COL21A1: variants seen among roughly 807,000 people sequenced by gnomAD.
COL21A1 encodes the protein collagen alpha-1(XXI) chain.
In COL21A1, 149 loss-of-function variants were observed where a neutral mutation model predicts 137.9. The observed-to-expected ratio is 1.08, with a 90% CI of 0.95 to 1.24. COL21A1 has a LOEUF of 1.24. Among genes scored for constraint, COL21A1 ranks in the 50% most tolerant of loss-of-function variants. The pLI, the probability that COL21A1 is intolerant of heterozygous loss-of-function variation, is 0.00. For missense variants in COL21A1, 1,167 were observed against 1,158.4 expected (o/e 1.01, Z -0.11); for synonymous variants, 456 against 391.5 (o/e 1.16, Z -1.95).
chr6:56,071,663 C>T (rs1326471065), intron 20 of COL21A1, among the ~76,000 whole-genome samples: 1 of 151,524 alleles, frequency 6.6e-6, no homozygotes, highest in Non-Finnish European at 1.5e-5. Flanking sequence ...TTAATTAAAG[C>T]ATTTAGCACA....
Position 56,166,921 on chromosome 6 carries a change from A to G in COL21A1, c.1263T>C (p.Cys421=). The G allele has an allele frequency of 6.2e-7, 1 of 1,611,672 alleles. No individual in the cohort carries two copies. The highest frequency in any genetic ancestry group is 8.5e-7 in the Non-Finnish European group (1 of 1,178,490). The part of the protein sequence containing the change: ...DPEQNNRETA[C]EIPGFNGECL... ...TCCTACTTACAAATCCAGGAATCTCACATGCTGTCTCCCGGTTGTTCTGTT... is the reference window on the plus strand; with the variant it reads ...TCCTACTTACAAATCCAGGAATCTCGCATGCTGTCTCCCGGTTGTTCTGTT... The change falls in exon 7 of 30, where the codon TGT becomes TGC. Residue 421 remains cysteine (C), a synonymous_variant. Transcript: ENST00000244728.
chr6:56,232,959 T>G (rs1219537105), intron 1 of COL21A1, among the ~76,000 whole-genome samples: 1 of 151,790 alleles, frequency 6.6e-6, no homozygotes, highest in East Asian at 1.9e-4. Context: ...TACTCAGAGC[T>G]GGAAGTAAAA....
rs772848970 is a variant in COL21A1, at chr6:56,179,944, C to T, written c.274G>A (p.Gly92Arg). 1.5e-5 allele frequency: 24 copies of T among 1,613,732 alleles called. No homozygotes were observed. Among genetic ancestry groups the T allele is most frequent in the East Asian group, 1.1e-4 (5 of 44,888 alleles). The change falls in exon 3 of 30, where the codon GGA becomes AGA. Residue 92 changes from glycine to arginine, a missense_variant. Coordinates refer to ENST00000244728, the MANE Select transcript of COL21A1 (RefSeq NM_030820.4). ...SDYPVLEIPL[G>R]SYDSGEHLTA... ...AAATGTTCTCCTGAATCATAGCTTC[C>T]GAGAGGAATCTCCAGCACAGGGTAG...
At chr6:56,334,343 A>G (rs995358881) in intron 1 of COL21A1, among the ~76,000 whole-genome samples, 1 of 152,112 alleles carries the variant, frequency 6.6e-6, no homozygotes, top group African/African-American at 2.4e-5. Flanking sequence ...TACAATAATG[A>G]TACTACCTAC....
intron 16 of COL21A1, among the ~76,000 whole-genome samples, chr6:56,106,716 T>C (rs1770931842): frequency 6.6e-6 from 1 of 151,902 alleles, no homozygotes; most frequent in Admixed American, 6.6e-5. Flanking sequence ...AAACTTTTCA[T>C]ATTTTCCTCA....
intron 1 of COL21A1, among the ~76,000 whole-genome samples, chr6:56,229,684 TAAGGGTA>T (rs1018062200): frequency 1.3e-5 from 2 of 152,024 alleles, no homozygotes; most frequent in Admixed American, 6.6e-5. Flanking sequence ...TTTTCCAAGG[TAAGGGTA>T]AAGAGCTCTG....
chr6:56,344,861 C>T (rs374231208), intron 1 of COL21A1, among the ~76,000 whole-genome samples: 7 of 152,164 alleles, frequency 4.6e-5, no homozygotes, highest in African/African-American at 1.7e-4. Context: ...TGCCTTCCAC[C>T]GTGATTATAA....
chr6:56,057,770 G>A lies in COL21A1; in HGVS notation c.2761C>T (p.His921Tyr), dbSNP rs765492111. 1 of 1,609,560 alleles carries A rather than the reference G, an allele frequency of 6.2e-7. No homozygotes were observed. Among genetic ancestry groups the A allele is most frequent in the East Asian group, 2.2e-5 (1 of 44,512 alleles). The change falls in exon 30 of 30, where the codon CAT (histidine) becomes TAT (tyrosine). Residue 921 changes from histidine to tyrosine, a missense_variant. By Grantham distance (83) the His-to-Tyr change is moderately conservative (BLOSUM62 2). Transcript: ENST00000244728. The part of the protein sequence containing the change: ...DPGLPGKDGD[H>Y]GKPGIQGQPG... ...TGCCCTTGGATTCCAGGTTTTCCATGGTCTCCATCTTTGCCAGGGAGACCT... is the reference window on the plus strand; with the variant it reads ...TGCCCTTGGATTCCAGGTTTTCCATAGTCTCCATCTTTGCCAGGGAGACCT...
chr6:56,228,243 G>A (rs1409248326), intron 1 of COL21A1, among the ~76,000 whole-genome samples: 1 of 151,900 alleles, frequency 6.6e-6, no homozygotes, highest in Non-Finnish European at 1.5e-5. Flanking sequence ...AATGGCAGCA[G>A]TAGGGAGAAT....
At chr6:56,066,578 T>C (rs933358799) in intron 23 of COL21A1, among the ~76,000 whole-genome samples, 14 of 151,862 alleles carry the variant, frequency 9.2e-5, no homozygotes, top group African/African-American at 3.1e-4. Context: ...AAGTTTTATA[T>C]TTCTAAAACT....
chr6:56,370,288 G>A (rs1307193926), intron 1 of COL21A1, among the ~76,000 whole-genome samples: 1 of 152,082 alleles, frequency 6.6e-6, no homozygotes, highest in Non-Finnish European at 1.5e-5. Context: ...TCTGTTCCCG[G>A]CCTTCCTCAG....
At chr6:56,326,026 TAATATATTATGTATATGTATGTATAC>T in intron 1 of COL21A1, among the ~76,000 whole-genome samples, 1 of 2,058 alleles carries the variant, frequency 4.9e-4, no homozygotes, top group African/African-American at 9.4e-4. Context: ...TGTATATACA[TAATATATTATGTATATGTATGTATAC>T]AAGTATTAAT....
chr6:56,322,811 A>T (rs72871790), intron 1 of COL21A1, among the ~76,000 whole-genome samples: 5,941 of 151,548 alleles, frequency 0.039, 148 homozygotes, highest in South Asian at 0.065. Context: ...AATGCCAGGT[A>T]AATCCTTTGA....
At chr6:56,292,393 C>CG (rs1346563771) in intron 1 of COL21A1, among the ~76,000 whole-genome samples, 1 of 125,426 alleles carries the variant, frequency 8.0e-6, no homozygotes, top group Non-Finnish European at 1.7e-5. Flanking sequence ...AAACAGGGAC[C>CG]CCCCCCCTCC....
intron 1 of COL21A1, among the ~76,000 whole-genome samples, chr6:56,294,542 G>A (rs1263509481): frequency 6.6e-6 from 1 of 151,900 alleles, no homozygotes; most frequent in Non-Finnish European, 1.5e-5. Context: ...GCATTAGTGT[G>A]GTATATTTGT....
chr6:56,113,286 C>T (rs913924265), intron 16 of COL21A1, among the ~76,000 whole-genome samples: 2 of 152,016 alleles, frequency 1.3e-5, no homozygotes, highest in African/African-American at 4.8e-5. Flanking sequence ...CCAAAAGAGA[C>T]CCCTTCCTTC....
chr6:56,243,781 C>A (rs1782487598), intron 1 of COL21A1, among the ~76,000 whole-genome samples: 1 of 152,122 alleles, frequency 6.6e-6, no homozygotes. Context: ...GGTCAGGATT[C>A]AGGGCTAGGC....
chr6:56,280,097 T>G (rs1488385939), intron 1 of COL21A1, among the ~76,000 whole-genome samples: 1 of 152,182 alleles, frequency 6.6e-6, no homozygotes, highest in African/African-American at 2.4e-5. Flanking sequence ...AATCCACAAG[T>G]TGTACATCTC....
At chr6:56,279,693 G>T (rs1281121255) in intron 1 of COL21A1, among the ~76,000 whole-genome samples, 1 of 152,198 alleles carries the variant, frequency 6.6e-6, no homozygotes, top group Non-Finnish European at 1.5e-5. Flanking sequence ...GTGCTTAAAT[G>T]AGTCTTTGTG....
Sources: gnomAD v4.1 joint callset for allele counts (sites outside exome capture counted in the v4.1 genomes callset) on GRCh38, gnomAD v4.1.1 for gene constraint, MANE v1.5 for transcripts, NCBI Gene and HGNC (gene_info 2026-07-23, HGNC 2026-07-21) for gene names.